Variants in MMP26 observed in about 807,000 individuals in gnomAD.
MMP26 encodes the protein matrix metalloproteinase-26.
A neutral mutation model predicts 31.0 loss-of-function variants in MMP26; 33 were observed. That is an observed-to-expected ratio of 1.06 (90% CI 0.81 to 1.42). The LOEUF is 1.42. Among genes scored for constraint, MMP26 ranks in the 40% most tolerant of loss-of-function variants. The pLI is 0.00. For synonymous variants in MMP26, 122 were observed against 114.9 expected, an observed-to-expected ratio of 1.06 and a Z score of -0.40; for missense variants, 347 against 316.1, an observed-to-expected ratio of 1.10 and a Z score of -0.74.
chr11:4,961,252 G>A (rs1320168174), intron 2 of MMP26, among the ~76,000 whole-genome samples: 2 of 152,196 alleles, frequency 1.3e-5, no homozygotes, highest in Non-Finnish European at 2.9e-5. Context: ...TTTTCATGGA[G>A]TTAAATTTCC....
rs1197616873 is a variant in MMP26 at position 4,753,129 on chromosome 11, G to A, written c.-216-14141G>A. 3.3e-5 allele frequency among the ~76,000 whole-genome samples: 5 copies of A among 152,062 alleles called. No individual in the cohort carries two copies. The South Asian group carries it at 8.3e-4, about 25-fold the overall frequency. On this transcript the variant is annotated intron_variant, in intron 1 of 7. Coordinates refer to ENST00000380390, the MANE Select transcript of MMP26 (RefSeq NM_021801.5). ...GGAAGTTTGACATCCATCTGTACCC[G>A]TGTAACCGTGCCCAAGATCAACTAA...
Position 4,723,164 on chromosome 11 carries a change from C to A in MMP26, c.-217+18119C>A, listed in dbSNP as rs558732089. On this transcript the variant is annotated intron_variant, in intron 1 of 7. Coordinates refer to ENST00000380390, the MANE Select transcript of MMP26 (RefSeq NM_021801.5). ...GGCATCCTTAATGGCCAGCTCCCCA[C>A]GCTGCTCGGCATCTGCGATGGCGGC... The A allele has an allele frequency of 1.1e-4, 168 of 1,598,006 alleles. 3 individuals are homozygous for A. In the South Asian group the frequency reaches 1.8e-3, roughly 18 times the overall value.
chr11:4,782,588 G>A lies in MMP26; in HGVS notation c.-145+15247G>A, dbSNP rs1848879180. On this transcript the variant is annotated intron_variant, in intron 2 of 7. Coordinates refer to ENST00000380390, the MANE Select transcript of MMP26 (RefSeq NM_021801.5). ...ATTTTCTGAGGAGAAATCCAAGCCA[G>A]CTGCACAAATTTGCATAAGTAAGAA... 2.0e-5 allele frequency among the ~76,000 whole-genome samples: 3 copies of A among 152,330 alleles called. No individual in the cohort carries two copies. The South Asian group carries it at 6.2e-4, about 32-fold the overall frequency.
In MMP26 at chr11:4,801,359, C is replaced by T. The variant is rs12420330; in HGVS notation, c.-145+34018C>T. ...AAAGTTTAATTAGGTCCCAGTTTTG[C>T]AGGCTGCACAAGCATGGGTGCCAGC... On this transcript the variant is annotated intron_variant, in intron 2 of 7. Coordinates refer to ENST00000380390, the MANE Select transcript of MMP26 (RefSeq NM_021801.5). Among the ~76,000 whole-genome samples the T allele has an allele frequency of 8.9e-3, 1,360 of 152,156 alleles. 59 individuals carry two copies. In the East Asian group the frequency reaches 0.12, roughly 13 times the overall value.
At chr11:4,901,338 T>C (rs1564803252) in intron 2 of MMP26, among the ~76,000 whole-genome samples, 2 of 151,884 alleles carry the variant, frequency 1.3e-5, no homozygotes, top group Non-Finnish European at 2.9e-5. Flanking sequence ...TTTTTTGTAT[T>C]TTTAGTAGAG....
chr11:4,750,379 A>G (rs1848432736), intron 1 of MMP26, among the ~76,000 whole-genome samples: 1 of 152,126 alleles, frequency 6.6e-6, no homozygotes, highest in Non-Finnish European at 1.5e-5. Flanking sequence ...TCAAGGAACT[A>G]AAAATTGAAC....
chr11:4,730,023 T>C (rs553098892), intron 1 of MMP26, among the ~76,000 whole-genome samples: 1 of 150,542 alleles, frequency 6.6e-6, no homozygotes, highest in South Asian at 2.1e-4. Context: ...GACAATGTTT[T>C]ACATTTATCG....
At chr11:4,821,250 TG>T in intron 2 of MMP26, 1 of 713,834 alleles carries the variant, frequency 1.4e-6, no homozygotes, top group Non-Finnish European at 2.4e-6. Context: ...CTGACAGACT[TG>T]GAGAGAAATG....
intron 2 of MMP26, among the ~76,000 whole-genome samples, chr11:4,846,455 A>C (rs1465270909): frequency 6.6e-6 from 1 of 152,196 alleles, no homozygotes; most frequent in African/African-American, 2.4e-5. Context: ...GGTATAAAAA[A>C]TAATAGAAAG....
At chr11:4,730,120 A>G (rs1589885392) in intron 1 of MMP26, among the ~76,000 whole-genome samples, 1 of 152,054 alleles carries the variant, frequency 6.6e-6, no homozygotes, top group East Asian at 1.9e-4. Flanking sequence ...TTTATTCCCC[A>G]AAGGACTGTG....
chr11:4,957,762 T>C (rs1389261970), intron 2 of MMP26, among the ~76,000 whole-genome samples: 2 of 151,720 alleles, frequency 1.3e-5, no homozygotes, highest in Non-Finnish European at 2.9e-5. Flanking sequence ...CACTGCAACC[T>C]CCATCTCCTA....
chr11:4,844,636 C>T (rs56780546), intron 2 of MMP26, among the ~76,000 whole-genome samples: 39,741 of 152,008 alleles, frequency 0.26, 5,501 homozygotes, highest in South Asian at 0.33. Context: ...GGGATACATT[C>T]TATCAACAGA....
At chr11:4,987,383 A>AT (rs1417034313) in intron 2 of MMP26, among the ~76,000 whole-genome samples, 9 of 149,914 alleles carry the variant, frequency 6.0e-5, no homozygotes, top group Admixed American at 1.3e-4. Flanking sequence ...GGTCTTGGAG[A>AT]TTTTTTTTGT....
intron 2 of MMP26, among the ~76,000 whole-genome samples, chr11:4,886,618 C>A (rs1850549045): frequency 6.6e-6 from 1 of 151,300 alleles, no homozygotes; most frequent in South Asian, 2.1e-4. Context: ...TTTGGTTCCA[C>A]CCTCATCAAA....
intron 2 of MMP26, among the ~76,000 whole-genome samples, chr11:4,922,384 A>G (rs1041478416): frequency 3.3e-5 from 5 of 152,196 alleles, no homozygotes; most frequent in Non-Finnish European, 7.4e-5. Context: ...AAATACCTAC[A>G]TGAATATATA....
chr11:4,931,782 G>A (rs1851351193), intron 2 of MMP26, among the ~76,000 whole-genome samples: 1 of 151,974 alleles, frequency 6.6e-6, no homozygotes, highest in Non-Finnish European at 1.5e-5. Flanking sequence ...GAGAGAAATG[G>A]CATTTTTCTT....
intron 2 of MMP26, among the ~76,000 whole-genome samples, chr11:4,767,891 G>A (rs1848652565): frequency 6.6e-6 from 1 of 152,040 alleles, no homozygotes; most frequent in South Asian, 2.1e-4. Context: ...GCCATTATAT[G>A]CAATTGACAT....
chr11:4,730,410 G>GAGAGAGAGAGAGAA (rs1216572936), intron 1 of MMP26, among the ~76,000 whole-genome samples: 21 of 147,170 alleles, frequency 1.4e-4, no homozygotes, highest in Non-Finnish European at 2.7e-4. Flanking sequence ...GGGAAAGAGA[G>GAGAGAGAGAGAGAA]AGAGAGAGAG....
At chr11:4,706,975 T>G (rs562638519) in intron 1 of MMP26, among the ~76,000 whole-genome samples, 3 of 152,356 alleles carry the variant, frequency 2.0e-5, no homozygotes, top group South Asian at 2.1e-4. Flanking sequence ...TATGCATTCA[T>G]TTGTTGATGG....
Sources: allele counts gnomAD v4.1 joint callset (sites outside exome capture counted in the v4.1 genomes callset), GRCh38; gene constraint gnomAD v4.1.1; transcripts MANE v1.5; gene names NCBI Gene and HGNC (gene_info 2026-07-23, HGNC 2026-07-21).